STX3: variants seen among roughly 807,000 people sequenced by gnomAD.
STX3 encodes the protein syntaxin 3.
Under a neutral mutation model 40.2 loss-of-function variants are expected in STX3, and 19 were observed. The ratio of observed to expected loss-of-function variants is 0.47; its 90% confidence interval spans 0.33 to 0.69. The LOEUF is 0.69. Among genes scored for constraint, STX3 ranks in the 30% least tolerant of loss-of-function variants. STX3 has a pLI of 0.02. For missense variants in STX3, 364 were observed against 366.7 expected (o/e 0.99, Z 0.06); for synonymous variants, 122 against 132.2 (o/e 0.92, Z 0.53).
Position 59,771,490 on chromosome 11 carries a change from C to T in STX3, c.31-1721C>T, listed in dbSNP as rs529448178. Among the ~76,000 whole-genome samples, 89 of 144,690 alleles carry T rather than the reference C, an allele frequency of 6.2e-4. 1 individual carries two copies. The highest frequency in any genetic ancestry group is 3.4e-3 in the South Asian group (15 of 4,418). 94.9% of individuals were successfully genotyped at this position (144,690 alleles called of 152,430 possible). A position where few individuals can be genotyped will look rare whatever the true frequency, so the allele number is the denominator to read the frequency against. The stretch of plus-strand genomic sequence containing the variant: ...AGTAAAGGGCTGTGATGGTTGGTGT[C>T]GAAAGTTTGTGCAAAGTGCAGTGGG... On this transcript the variant is annotated intron_variant, in intron 1 of 10. Coordinates refer to ENST00000337979, the MANE Select transcript of STX3 (RefSeq NM_004177.5).
At chr11:59,795,697 G>A (rs1229643366) in intron 9 of STX3, 3 of 1,536,746 alleles carry the variant, frequency 2.0e-6, no homozygotes, top group East Asian at 2.4e-5. Flanking sequence ...TCAAGTATCA[G>A]AGTGAAGCCC....
chr11:59,758,624 C>T (rs900584927), intron 1 of STX3, among the ~76,000 whole-genome samples: 1 of 152,232 alleles, frequency 6.6e-6, no homozygotes, highest in African/African-American at 2.4e-5. Context: ...CTCATCTCTT[C>T]TCTTGCACTG....
Position 59,800,797 on chromosome 11 carries a change from T to C in STX3, c.*31-58T>C, listed in dbSNP as rs1445304550. On this transcript the variant is annotated intron_variant, in intron 10 of 10. Coordinates refer to ENST00000337979, the MANE Select transcript of STX3 (RefSeq NM_004177.5). Reference sequence around the variant, plus strand: ...TTCCAGGTTTGTGGCTGACTCCTTCTGTTGCCCTTTGCCTTCTTCCTGTGT... The same window carrying C: ...TTCCAGGTTTGTGGCTGACTCCTTCCGTTGCCCTTTGCCTTCTTCCTGTGT... 6 of 1,535,626 alleles carry C rather than the reference T, an allele frequency of 3.9e-6. No homozygotes were observed. The African/African-American group carries it at 8.2e-5, about 21-fold the overall frequency.
chr11:59,755,057 G>A (rs1043202255), upstream of STX3: 2 of 152,418 alleles, frequency 1.3e-5, no homozygotes, highest in African/African-American at 4.8e-5. Flanking sequence ...TTTGTTTTCG[G>A]GAGCTTGTCC....
intron 1 of STX3, among the ~76,000 whole-genome samples, chr11:59,758,149 G>A (rs184519823): frequency 2.6e-4 from 39 of 152,282 alleles, no homozygotes; most frequent in South Asian, 2.1e-3. Context: ...GAACATGTGG[G>A]GTTGATGGGT....
chr11:59,793,539 G>C lies in STX3; in HGVS notation c.675+25G>C, dbSNP rs1444261690. On this transcript the variant is annotated intron_variant, in intron 8 of 10. Coordinates refer to ENST00000337979, the MANE Select transcript of STX3 (RefSeq NM_004177.5). Reference sequence around the variant, plus strand: ...GGTAAGTGGCAGTGAGTCCCAGCGTGGGGAGGGAGGAGAGGAAAGCTCAGG... The same window carrying C: ...GGTAAGTGGCAGTGAGTCCCAGCGTCGGGAGGGAGGAGAGGAAAGCTCAGG... 4 of 1,603,422 alleles carry C rather than the reference G, an allele frequency of 2.5e-6. No individual in the cohort carries two copies. In the African/African-American group the frequency reaches 4.0e-5, roughly 16 times the overall value.
rs769920142 is a variant in STX3 at position 59,792,166 on chromosome 11, G to A, written c.417G>A (p.Val139=). The stretch of plus-strand genomic sequence containing the variant: ...TGACCAAATACAATGAAGCTCAAGT[G>A]GACTTCCGAGAACGCAGCAAAGGGC... ...EVMTKYNEAQ[V]DFRERSKGRI... Residue 139 remains valine, a synonymous_variant, in exon 6 of 11, where the codon GTG becomes GTA. Transcript: ENST00000337979. 2 of 1,614,104 alleles carry A rather than the reference G, an allele frequency of 1.2e-6. No homozygotes were observed. The highest frequency in any genetic ancestry group is 2.2e-5 in the South Asian group (2 of 91,068).
intron 2 of STX3, among the ~76,000 whole-genome samples, chr11:59,786,282 C>T (rs868284046): frequency 2.0e-5 from 3 of 148,918 alleles, no homozygotes; most frequent in South Asian, 2.2e-4. Flanking sequence ...CTGTGTCGTC[C>T]AGGCTGGAGT....
At position 59,801,025 on chromosome 11, in the gene STX3, G is replaced by A. The variant is rs1219935810; in HGVS notation, c.*201G>A. The A allele has an allele frequency of 1.6e-5, 24 of 1,500,162 alleles. No individual in the cohort carries two copies. The highest frequency in any genetic ancestry group is 5.0e-5 in the East Asian group (2 of 40,378). 92.9% of individuals were successfully genotyped at this position (1,500,162 alleles called of 1,614,324 possible). ...TGGGGGAATGTGATCTACCTGATGCGACCCTGAGTTCTCCCCAGAGCCTCC... is the reference window on the plus strand; with the variant it reads ...TGGGGGAATGTGATCTACCTGATGCAACCCTGAGTTCTCCCCAGAGCCTCC... On this transcript the variant is annotated 3_prime_UTR_variant, in exon 11 of 11. Transcript: ENST00000337979.
At chr11:59,761,383 T>G (rs888276051) in intron 1 of STX3, among the ~76,000 whole-genome samples, 1 of 152,236 alleles carries the variant, frequency 6.6e-6, no homozygotes, top group Non-Finnish European at 1.5e-5. Flanking sequence ...TGGTGGTGTA[T>G]ACAAATAGCC....
chr11:59,803,569 T>C lies in STX3; in HGVS notation c.*2745T>C, dbSNP rs1349847221. Among the ~76,000 whole-genome samples the C allele has an allele frequency of 1.3e-5, 2 of 152,188 alleles. No homozygotes were observed. The highest frequency in any genetic ancestry group is 2.9e-5 in the Non-Finnish European group (2 of 68,020). Reference sequence around the variant, plus strand: ...CTTTGTACAGGTGAAGGATAGTGATTCCTGCTAAACAGTTTGAGCCTTGGT... The same window carrying C: ...CTTTGTACAGGTGAAGGATAGTGATCCCTGCTAAACAGTTTGAGCCTTGGT... On this transcript the variant is annotated 3_prime_UTR_variant, in exon 11 of 11. Coordinates refer to ENST00000337979, the MANE Select transcript of STX3 (RefSeq NM_004177.5).
rs746237605 is a variant in STX3 at position 59,797,353 on chromosome 11, T to C, written c.857T>C (p.Val286Ala). The C allele has an allele frequency of 5.6e-6, 9 of 1,614,052 alleles. No homozygotes were observed. The Admixed American group carries it at 1.5e-4, about 27-fold the overall frequency. Residue 286 changes from valine to alanine, a missense_variant, in exon 10 of 11, where the codon GTT (valine) becomes GCT (alanine). Transcript: ENST00000337979. The stretch of plus-strand genomic sequence containing the variant: ...TTAGCATTGATTATTGGACTTTCCG[T>C]TGGGCTGAATTAAGAGTGGCCTAAG... ...GILALIIGLS[V>A]GLN
In STX3 at chr11:59,801,106, G is replaced by A. The variant is rs991333420; in HGVS notation, c.*282G>A. ...CTCCTGGACTGTGTGGACCCACCCA[G>A]CTTTCTTCCTCCCTGTTGTGTGTCA... On this transcript the variant is annotated 3_prime_UTR_variant, in exon 11 of 11. Transcript: ENST00000337979. The A allele has an allele frequency of 2.9e-6, 4 of 1,388,484 alleles. No homozygotes were observed. Among genetic ancestry groups the A allele is most frequent in the Admixed American group, 5.9e-5 (2 of 34,094 alleles). 86.0% of individuals were successfully genotyped at this position (1,388,484 alleles called of 1,614,324 possible). A position where few individuals can be genotyped will look rare whatever the true frequency, so the allele number is the denominator to read the frequency against.
intron 10 of STX3, 109 bp downstream of exon 10, chr11:59,797,505 C>T (rs2135037230): frequency 2.6e-6 from 2 of 774,698 alleles, no homozygotes; most frequent in Non-Finnish European, 4.2e-6. Context: ...CTTGGACACA[C>T]TGAGCTTTCT....
At chr11:59,782,300 A>C (rs1864441068) in intron 2 of STX3, among the ~76,000 whole-genome samples, 1 of 152,198 alleles carries the variant, frequency 6.6e-6, no homozygotes, top group South Asian at 2.1e-4. Context: ...ATGAGGTCAG[A>C]CTGTTTTATT....
intron 4 of STX3, 192 bp downstream of exon 4, chr11:59,789,139 A>T (rs1261916882): frequency 5.9e-6 from 3 of 504,762 alleles, no homozygotes; most frequent in African/African-American, 5.9e-5. Context: ...TTAAATCCTG[A>T]CTGTACTGGA....
intron 1 of STX3, among the ~76,000 whole-genome samples, chr11:59,772,507 G>C (rs1404741630): frequency 1.3e-5 from 2 of 152,150 alleles, no homozygotes; most frequent in Non-Finnish European, 2.9e-5. Context: ...TGTTTCCTTT[G>C]TGATAGGTGG....
chr11:59,795,781 C>G (rs1865486276), intron 9 of STX3: 1 of 1,369,068 alleles, frequency 7.3e-7, no homozygotes, highest in Non-Finnish European at 1.0e-6. Flanking sequence ...CCTGGCCACC[C>G]CTACCTGTGT....
chr11:59,769,519 G>C (rs1310595136), intron 1 of STX3, among the ~76,000 whole-genome samples: 2 of 152,160 alleles, frequency 1.3e-5, no homozygotes, highest in Non-Finnish European at 2.9e-5. Context: ...CCAGTAATTG[G>C]AAACAGCAGG....
Sources: allele counts gnomAD v4.1 joint callset (sites outside exome capture counted in the v4.1 genomes callset), GRCh38; gene constraint gnomAD v4.1.1; transcripts MANE v1.5; gene names NCBI Gene and HGNC (gene_info 2026-07-23, HGNC 2026-07-21).